Variants in SLC46A2 observed in about 807,000 individuals in gnomAD.
The protein encoded by SLC46A2 is solute carrier family 46 member 2, also known as thymic stromal co-transporter.
SLC46A2 carries 25 observed loss-of-function variants against 33.1 expected under a neutral mutation model. The ratio of observed to expected loss-of-function variants is 0.76; its 90% CI spans 0.55 to 1.06. The LOEUF (loss-of-function observed/expected upper bound fraction) is 1.06. SLC46A2 is among the 50% of genes least tolerant of loss of function. The pLI is 0.00. For synonymous variants in SLC46A2, 254 were observed against 275.9 expected (o/e 0.92, Z 0.79); for missense variants, 622 against 621.7 (o/e 1.00, Z 0.00).
intron 3 of SLC46A2, 90 bp downstream of exon 3, chr9:112,886,370 T>C (rs1841642163): frequency 1.4e-6 from 2 of 1,385,232 alleles, no homozygotes; most frequent in African/African-American, 1.4e-5. Context: ...AAATAAATAA[T>C]GCAGTGATGG....
At position 112,890,400 on chromosome 9, in the gene SLC46A2, G is replaced by A. The variant is rs760748391; in HGVS notation, c.282C>T (p.Tyr94=). 1.2e-6 allele frequency: 2 copies of A among 1,614,224 alleles called. No individual in the cohort carries two copies. Among genetic ancestry groups the A allele is most frequent in the South Asian group, 1.1e-5 (1 of 91,090 alleles). ...VVGLSPLLSA[Y]GLGWLSDRYH... is the part of the protein sequence containing the mutation. ...AGCGGTCGCTGAGCCATCCCAGCCC[G>A]TAGGCGGACAGCAGGGGGGACAGGC... is the stretch of plus-strand genomic sequence containing the variant. The change falls in exon 1 of 4, where the codon TAC becomes TAT. Residue 94 remains tyrosine, a synonymous_variant. Transcript: ENST00000374228. The surrounding 1 kb of genome is among the most constrained non-coding windows in gnomAD (Gnocchi z 6.0).
rs752936375 is a variant in SLC46A2 at position 112,887,327 on chromosome 9, C to T, written c.1213+3G>A. ...TTCCAGAGAGATTCTGTTCACTACT[C>T]ACCATAAGAGGAGCCCTTTATGAGT... On this transcript the variant is annotated splice_donor_region_variant and intron_variant, in intron 2 of 3. Coordinates refer to ENST00000374228, the MANE Select transcript of SLC46A2 (RefSeq NM_033051.4). The T allele has an allele frequency of 6.2e-6, 10 of 1,611,138 alleles. No homozygotes were observed. In the Admixed American group the frequency reaches 1.3e-4, roughly 22 times the overall value.
Position 112,890,460 on chromosome 9 carries a change from G to C in SLC46A2, c.222C>G (p.Ile74Met). 1 of 1,614,234 alleles carries C rather than the reference G, an allele frequency of 6.2e-7. No homozygotes were observed. Among genetic ancestry groups the C allele is most frequent in the South Asian group, 1.1e-5 (1 of 91,084 alleles). ...GALEDQQQRA[I>M]SNFYIIYNLV... is the part of the protein sequence containing the mutation. ...GGTTGTAGATAATGTAGAAATTGGA[G>C]ATGGCTCTCTGCTGTTGGTCCTCTA... is the stretch of plus-strand genomic sequence containing the variant. Residue 74 changes from isoleucine (I) to methionine (M), a missense_variant, in exon 1 of 4, where the codon ATC (isoleucine) becomes ATG (methionine). Physicochemically the swap from Ile to Met is conservative, Grantham distance 10 (BLOSUM62 1). Transcript: ENST00000374228. This position sits in a 1 kb window ranked among gnomAD's most constrained non-coding sequence, Gnocchi z 6.0.
rs758266564 is a variant in SLC46A2, at chr9:112,889,589, A to G, written c.1093T>C (p.Leu365=). The change falls in exon 1 of 4, where the codon TTG becomes CTG. Residue 365 remains leucine (L), a synonymous_variant. Transcript: ENST00000374228. ...ATGTATGTCTCTTTCACAAAAGCCA[A>G]GAGGAGGGCTCCTGACCCAAAGGAG... ...MVSFGSGALL[L]AFVKETYMFY... 1.2e-5 allele frequency: 20 copies of G among 1,613,554 alleles called. No homozygotes were observed. The highest frequency in any genetic ancestry group is 1.3e-5 in the Non-Finnish European group (15 of 1,179,844).
intron 3 of SLC46A2, among the ~76,000 whole-genome samples, chr9:112,883,135 G>A (rs1413800602): frequency 6.6e-6 from 1 of 152,186 alleles, no homozygotes; most frequent in Non-Finnish European, 1.5e-5. Context: ...TGAGCAGGGG[G>A]AACCAATTGA....
Position 112,882,965 on chromosome 9 carries a change from T to G in SLC46A2, c.1371-3146A>C, listed in dbSNP as rs555470671. 1.5e-4 allele frequency among the ~76,000 whole-genome samples: 23 copies of G among 152,234 alleles called. No homozygotes were observed. In the East Asian group the frequency reaches 4.2e-3, roughly 28 times the overall value. On this transcript the variant is annotated intron_variant, in intron 3 of 3. Coordinates refer to ENST00000374228, the MANE Select transcript of SLC46A2 (RefSeq NM_033051.4). ...ATAAATGGGAGAAAAGCCAGAAGAA[T>G]GAGGTGTTTTGAAAGCCATGTGACA...
intron 3 of SLC46A2, among the ~76,000 whole-genome samples, chr9:112,882,538 C>T (rs1841593290): frequency 6.6e-6 from 1 of 152,172 alleles, no homozygotes; most frequent in African/African-American, 2.4e-5. Context: ...GAGTGGAGAA[C>T]AAGAGTGGCT....
At chr9:112,884,587 G>C (rs112455877) in intron 3 of SLC46A2, among the ~76,000 whole-genome samples, 1,587 of 152,308 alleles carry the variant, frequency 0.01, 21 homozygotes, top group African/African-American at 0.036. Flanking sequence ...CAGATTAATT[G>C]AGTCAGAATC....
chr9:112,881,240 C>T (rs1254541789), intron 3 of SLC46A2, among the ~76,000 whole-genome samples: 1 of 152,200 alleles, frequency 6.6e-6, no homozygotes, highest in Non-Finnish European at 1.5e-5. Flanking sequence ...AGGTTCTAAG[C>T]TACAGCGCAG....
chr9:112,890,430 C>T lies in SLC46A2; in HGVS notation c.252G>A (p.Val84=), dbSNP rs765057815. ...ISNFYIIYNL[V]VGLSPLLSAY... ...CGGACAGCAGGGGGGACAGGCCCAC[C>T]ACAAGGTTGTAGATAATGTAGAAAT... Residue 84 remains valine, a synonymous_variant, in exon 1 of 4, where the codon GTG becomes GTA. Transcript: ENST00000374228. The surrounding 1 kb of genome is among the most constrained non-coding windows in gnomAD (Gnocchi z 6.0). 2.5e-6 allele frequency: 4 copies of T among 1,614,116 alleles called. No individual in the cohort carries two copies. In the African/African-American group the frequency reaches 5.3e-5, roughly 22 times the overall value.
chr9:112,890,123 C>A lies in SLC46A2; in HGVS notation c.559G>T (p.Gly187Trp). 6.2e-7 allele frequency: 1 copy of A among 1,613,378 alleles called. No homozygotes were observed. Among genetic ancestry groups the A allele is most frequent in the Non-Finnish European group, 8.5e-7 (1 of 1,179,884 alleles). ...AAGAGATGCCCGGAAGCCATGCTCCCGCAGAACCCCGCCAAGCCCAGCATC... is the reference window on the plus strand; with the variant it reads ...AAGAGATGCCCGGAAGCCATGCTCCAGCAGAACCCCGCCAAGCCCAGCATC... ...DLMLGLAGFC[G>W]SMASGHLFKQ... Residue 187 changes from glycine (G) to tryptophan (W), a missense_variant, in exon 1 of 4, where the codon GGG (glycine) becomes TGG (tryptophan). Coordinates refer to ENST00000374228, the MANE Select transcript of SLC46A2 (RefSeq NM_033051.4). The surrounding 1 kb of genome is among the most constrained non-coding windows in gnomAD (Gnocchi z 6.0).
At chr9:112,889,488 C>A in intron 1 of SLC46A2, 65 bp downstream of exon 1, 1 of 1,500,786 alleles carries the variant, frequency 6.7e-7, no homozygotes, top group South Asian at 1.3e-5. Context: ...CATGGCATCC[C>A]TGGTGTCAGC....
chr9:112,883,701 T>TTC (rs1841611352), intron 3 of SLC46A2, among the ~76,000 whole-genome samples: 1 of 3,700 alleles, frequency 2.7e-4, no homozygotes, highest in African/African-American at 1.1e-3. Context: ...TTTTCTTTTC[T>TTC]TTTTTTTTTT....
At chr9:112,885,440 G>GTATATATATATATATATATGTGTA (rs10664207) in intron 3 of SLC46A2, 1 of 147,498 alleles carries the variant, frequency 6.8e-6, no homozygotes, top group Non-Finnish European at 1.5e-5. Context: ...ATATATATGT[G>GTATATATATATATATATATGTGTA]TATATATATA....
At position 112,889,661 on chromosome 9, in the gene SLC46A2, A is replaced by C; in HGVS notation, c.1021T>G (p.Phe341Val). The change falls in exon 1 of 4, where the codon TTC (phenylalanine) becomes GTC (valine). Residue 341 changes from phenylalanine to valine, a missense_variant. Transcript: ENST00000374228. The stretch of plus-strand genomic sequence containing the variant: ...GTGGTGTCCCGAAAGCAGCGGGAGA[A>C]GACCAGGACACCCAGGAAGCTGGTG... ...FITSFLGVLV[F>V]SRCFRDTTMI... is the part of the protein sequence containing the mutation. 6.2e-7 allele frequency: 1 copy of C among 1,614,156 alleles called. No individual in the cohort carries two copies. The highest frequency in any genetic ancestry group is 1.1e-5 in the South Asian group (1 of 91,064).
At chr9:112,886,341 C>T (rs1023703666) in intron 3 of SLC46A2, 119 bp downstream of exon 3, 9 of 1,070,130 alleles carry the variant, frequency 8.4e-6, no homozygotes, top group Non-Finnish European at 1.3e-5. Context: ...CTACTCAGGA[C>T]CCACTGCATA....
At chr9:112,881,913 T>G (rs1841582287) in intron 3 of SLC46A2, among the ~76,000 whole-genome samples, 1 of 152,080 alleles carries the variant, frequency 6.6e-6, no homozygotes. Context: ...AAAATGGTGT[T>G]TCAGTTAAGA....
intron 3 of SLC46A2, chr9:112,885,781 T>G (rs189507149): frequency 2.6e-5 from 4 of 152,238 alleles, no homozygotes; most frequent in Admixed American, 1.3e-4. Flanking sequence ...TTTTCTCTTT[T>G]TAAAATGTGG....
At chr9:112,884,585 T>C (rs1270363531) in intron 3 of SLC46A2, among the ~76,000 whole-genome samples, 1 of 152,234 alleles carries the variant, frequency 6.6e-6, no homozygotes. Flanking sequence ...CGCAGATTAA[T>C]TGAGTCAGAA....
Sources: gnomAD v4.1 joint callset for allele counts (sites outside exome capture counted in the v4.1 genomes callset) on GRCh38, gnomAD v4.1.1 for gene constraint, Gnocchi (gnomAD v3.1) non-coding constraint, MANE v1.5 for transcripts, NCBI Gene and HGNC (gene_info 2026-07-23, HGNC 2026-07-21) for gene names.